Variants in TSPAN16 observed in about 807,000 individuals in gnomAD.
TSPAN16 encodes tetraspanin-16.
A neutral mutation model predicts 25.2 loss-of-function variants in TSPAN16; 23 were observed. The ratio of observed to expected loss-of-function variants is 0.91; its 90% CI spans 0.66 to 1.29. TSPAN16 has a LOEUF of 1.29. Among genes scored for constraint, TSPAN16 ranks in the 50% most tolerant of loss-of-function variants. The pLI, the probability that TSPAN16 is intolerant of heterozygous loss-of-function variation, is 0.00. For synonymous variants in TSPAN16, 123 were observed against 124.4 expected, an observed-to-expected ratio of 0.99 and a Z score of 0.08; for missense variants, 272 against 299.9, an observed-to-expected ratio of 0.91 and a Z score of 0.69.
Position 11,298,319 on chromosome 19 carries a change from A to C in TSPAN16, c.247A>C (p.Ser83Arg). The change falls in exon 2 of 7, where the codon AGC becomes CGC. Residue 83 changes from serine to arginine, a missense_variant. Ser to Arg is a moderately radical substitution (Grantham distance 110). Transcript: ENST00000590327. ...CAGWYGATKE[S>R]RGTLLFCILS... ...CGGGTGGTATGGAGCGACTAAAGAG[A>C]GCAGAGGCACGCTCTTGTTTGTAAG... 6.2e-7 allele frequency: 1 copy of C among 1,613,966 alleles called. No homozygotes were observed. The highest frequency in any genetic ancestry group is 8.5e-7 in the Non-Finnish European group (1 of 1,180,026).
chr19:11,299,349 G>A (rs1425656335), intron 3 of TSPAN16, among the ~76,000 whole-genome samples: 1 of 151,772 alleles, frequency 6.6e-6, no homozygotes, highest in Non-Finnish European at 1.5e-5. Flanking sequence ...TCGATTGTGG[G>A]GACCCAGTGA....
At chr19:11,318,501 G>T (rs1400129290), downstream of TSPAN16, among the ~76,000 whole-genome samples, 1 of 151,918 alleles carries the variant, frequency 6.6e-6, no homozygotes, top group Admixed American at 6.6e-5. Context: ...GCTGTGACGT[G>T]GGTCTGGGGA....
Position 11,303,578 on chromosome 19 carries a change from A to T in TSPAN16, c.450+2270A>T, listed in dbSNP as rs542338425. ...TAAAAAATAAATAAATAAATAAATT[A>T]AAAAAAAAAAAAAAAAAAACTCCTG... On this transcript the variant is annotated intron_variant, in intron 4 of 6. Coordinates refer to ENST00000590327, the MANE Select transcript of TSPAN16 (RefSeq NM_001282509.2). Among the ~76,000 whole-genome samples the T allele has an allele frequency of 2.0e-3, 90 of 45,160 alleles. 4 individuals are homozygous for T. The East Asian group carries it at 0.03, about 15-fold the overall frequency. The allele number at this position is 45,160 out of a possible 152,430, so 29.6% of individuals were successfully genotyped here.
intron 6 of TSPAN16, chr19:11,324,592 T>TGCTAGGGGTTGG (rs1313309664): frequency 6.6e-6 from 1 of 152,222 alleles, no homozygotes. Context: ...AGAGCCGGAG[T>TGCTAGGGGTTGG]GCTAGGGGTT....
chr19:11,302,193 C>A (rs2080558880), intron 4 of TSPAN16, among the ~76,000 whole-genome samples: 1 of 152,022 alleles, frequency 6.6e-6, no homozygotes, highest in African/African-American at 2.4e-5. Flanking sequence ...CGACCATCAC[C>A]ACCATCTCTA....
chr19:11,312,322 TAAAAAAA>T, intron 6 of TSPAN16, 100 bp downstream of exon 6: 1 of 307,218 alleles, frequency 3.3e-6, no homozygotes, highest in Non-Finnish European at 5.4e-6. Flanking sequence ...TGAACAAAAC[TAAAAAAA>T]AAAAAAAAAA....
intron 4 of TSPAN16, 121 bp from the exon 5 acceptor site, chr19:11,306,483 G>T: frequency 8.3e-7 from 1 of 1,202,786 alleles, no homozygotes; most frequent in Non-Finnish European, 1.2e-6. Flanking sequence ...TTTGTAAGAG[G>T]ATGTTTAGCA....
intron 6 of TSPAN16, among the ~76,000 whole-genome samples, chr19:11,321,517 T>G (rs921693714): frequency 6.6e-6 from 1 of 152,138 alleles, no homozygotes; most frequent in Admixed American, 6.5e-5. Context: ...CCAAACCATA[T>G]CAACTGTGAC....
intron 6 of TSPAN16, chr19:11,325,447 G>T (rs540521854): frequency 6.2e-7 from 1 of 1,609,552 alleles, no homozygotes; most frequent in Middle Eastern, 1.9e-4. Flanking sequence ...CCCCACGGCC[G>T]GGCCTTTCCC....
At chr19:11,298,060 G>T in intron 1 of TSPAN16, 82 bp from the exon 2 acceptor site, 4 of 1,452,374 alleles carry the variant, frequency 2.8e-6, no homozygotes, top group African/African-American at 1.4e-5. Flanking sequence ...GGGATTACAG[G>T]CATGAGCCAC....
intron 6 of TSPAN16, among the ~76,000 whole-genome samples, chr19:11,326,425 G>A (rs1350947878): frequency 6.6e-6 from 1 of 152,082 alleles, no homozygotes; most frequent in Non-Finnish European, 1.5e-5. Context: ...CCATGGTCTG[G>A]ACAATCCTAA....
chr19:11,299,996 A>G (rs1054143360), intron 3 of TSPAN16, among the ~76,000 whole-genome samples: 4 of 151,774 alleles, frequency 2.6e-5, no homozygotes, highest in Non-Finnish European at 4.4e-5. Flanking sequence ...AAAAAAAAAA[A>G]AAAAGAAAAG....
chr19:11,312,010 G>C, intron 5 of TSPAN16, 129 bp from the exon 6 acceptor site: 1 of 662,546 alleles, frequency 1.5e-6, no homozygotes, highest in East Asian at 2.8e-5. Flanking sequence ...GGCCCTCACG[G>C]CTCTCTCCCC....
intron 6 of TSPAN16, among the ~76,000 whole-genome samples, chr19:11,313,904 C>T (rs546097916): frequency 1.2e-4 from 18 of 152,106 alleles, no homozygotes; most frequent in Non-Finnish European, 1.9e-4. Context: ...AAAACCTTTA[C>T]GTAAATGCTC....
At chr19:11,323,840 C>G (rs1234578572) in intron 6 of TSPAN16, 1 of 152,206 alleles carries the variant, frequency 6.6e-6, no homozygotes, top group African/African-American at 2.4e-5. Flanking sequence ...CTTAGCCATC[C>G]TAACAGTGCT....
At chr19:11,319,828 T>G (rs2080767049), downstream of TSPAN16, among the ~76,000 whole-genome samples, 1 of 151,854 alleles carries the variant, frequency 6.6e-6, no homozygotes, top group Non-Finnish European at 1.5e-5. Flanking sequence ...TTTGTTTTGT[T>G]TTTTGAGACG....
intron 4 of TSPAN16, among the ~76,000 whole-genome samples, chr19:11,304,642 A>G (rs2080605767): frequency 6.6e-6 from 1 of 151,592 alleles, no homozygotes. Flanking sequence ...CTCCTGCCTC[A>G]GCCTCCTGAG....
chr19:11,326,806 C>A, exon 7 of TSPAN16: 1 of 689,348 alleles, frequency 1.5e-6, no homozygotes, highest in Non-Finnish European at 2.6e-6. Flanking sequence ...GTGGGGGTCT[C>A]GCTATGTTGC....
intron 6 of TSPAN16, among the ~76,000 whole-genome samples, chr19:11,314,190 G>A (rs141876662): frequency 7.9e-5 from 12 of 152,272 alleles, no homozygotes; most frequent in South Asian, 2.1e-4. Flanking sequence ...CAGAGGGTAC[G>A]GGAAGAATGG....
Sources: gnomAD v4.1 joint callset for allele counts (sites outside exome capture counted in the v4.1 genomes callset) on GRCh38, gnomAD v4.1.1 for gene constraint, MANE v1.5 for transcripts, NCBI Gene and HGNC (gene_info 2026-07-23, HGNC 2026-07-21) for gene names.